Variants in CSF2RA observed in about 807,000 individuals in gnomAD.
CSF2RA encodes the protein colony stimulating factor 2 receptor subunit alpha.
Under a neutral mutation model 51.6 loss-of-function variants are expected in CSF2RA, and 42 were observed. That is an observed-to-expected ratio of 0.81 (90% confidence interval 0.64 to 1.05). The LOEUF (loss-of-function observed/expected upper bound fraction) is 1.05. CSF2RA is among the 50% of genes least tolerant of loss of function. The pLI is 0.00. For synonymous variants in CSF2RA, 222 were observed against 193.0 expected, an observed-to-expected ratio of 1.15 and a Z score of -1.24; for missense variants, 530 against 501.1, an observed-to-expected ratio of 1.06 and a Z score of -0.55.
downstream of CSF2RA, among the ~76,000 whole-genome samples, chrX:1,313,822 C>G (rs1475096811): frequency 6.6e-6 from 1 of 151,772 alleles, no homozygotes; most frequent in African/African-American, 2.4e-5. Context: ...AACTCCATCT[C>G]TGCTAAAGAT....
intron 1 of CSF2RA, among the ~76,000 whole-genome samples, chrX:1,270,034 G>A (rs1284668469): frequency 2.0e-5 from 3 of 151,788 alleles, no homozygotes; most frequent in African/African-American, 7.3e-5. Context: ...GCTTGAACCC[G>A]GGAGGCGGAG....
intron 1 of CSF2RA, among the ~76,000 whole-genome samples, chrX:1,273,797 A>G (rs1202078327): frequency 7.5e-6 from 1 of 133,728 alleles, no homozygotes; most frequent in African/African-American, 2.8e-5. Context: ...ATGGGGTTTC[A>G]CTGTGTTTGC....
chrX:1,287,546 A>T (rs185212573), intron 4 of CSF2RA, among the ~76,000 whole-genome samples: 6 of 137,254 alleles, frequency 4.4e-5, no homozygotes, highest in African/African-American at 1.7e-4. Context: ...TGGGTTCAAG[A>T]GATTCTCCTG....
At chrX:1,306,224 C>T (rs1377997323) in intron 12 of CSF2RA, among the ~76,000 whole-genome samples, 1 of 151,482 alleles carries the variant, frequency 6.6e-6, no homozygotes, top group African/African-American at 2.4e-5. Flanking sequence ...AACAGGCAGA[C>T]AGACTGACAG....
chrX:1,321,286 A>T, the CSF2RA span, among the ~76,000 whole-genome samples: 1 of 151,774 alleles, frequency 6.6e-6, no homozygotes, highest in Admixed American at 6.6e-5. Flanking sequence ...TGGCTAACAC[A>T]ATGAAACCCT....
At position 1,303,936 on chromosome X, in the gene CSF2RA, G is replaced by C. The variant is rs183684007; in HGVS notation, c.960G>C (p.Gly320=). Residue 320 remains glycine (G), a synonymous_variant, in exon 11 of 13, where the codon GGG becomes GGC. Coordinates refer to ENST00000381529, the MANE Select transcript of CSF2RA (RefSeq NM_172245.4). ...GTGTCTCTCCAGGTTCTGACGACGG[G>C]AACCTCGGCTCTGTGTACATTTATG... The part of the protein sequence containing the change: ...SEAIEFGSDD[G]NLGSVYIYVL... The C allele has an allele frequency of 1.4e-5, 23 of 1,613,564 alleles. No individual in the cohort carries two copies. In the African/African-American group the frequency reaches 3.1e-4, roughly 22 times the overall value.
At chrX:1,276,590 T>C (rs1201381762) in intron 2 of CSF2RA, among the ~76,000 whole-genome samples, 75 of 151,972 alleles carry the variant, frequency 4.9e-4, no homozygotes, top group African/African-American at 1.7e-3. Flanking sequence ...TCCAGGCTGG[T>C]CTTGAACTCC....
At chrX:1,310,901 G>A (rs185221909), downstream of CSF2RA, among the ~76,000 whole-genome samples, 64 of 152,092 alleles carry the variant, frequency 4.2e-4, no homozygotes, top group Non-Finnish European at 7.8e-4. Flanking sequence ...TGCCTTTCTT[G>A]TAGTAATGAG....
downstream of CSF2RA, chrX:1,310,426 T>G: frequency 6.6e-6 from 1 of 151,258 alleles, no homozygotes; most frequent in East Asian, 1.9e-4. Flanking sequence ...CCCAGCAGTT[T>G]GGGAGGCCGA....
At chrX:1,302,141 C>A (rs2083046537) in intron 10 of CSF2RA, among the ~76,000 whole-genome samples, 1 of 151,714 alleles carries the variant, frequency 6.6e-6, no homozygotes, top group African/African-American at 2.4e-5. Flanking sequence ...TTCTTGAACT[C>A]CTGACCTCAG....
intron 2 of CSF2RA, among the ~76,000 whole-genome samples, chrX:1,280,034 C>T (rs1272845995): frequency 2.0e-5 from 3 of 151,988 alleles, no homozygotes; most frequent in African/African-American, 7.2e-5. Context: ...AGGCGATCCG[C>T]CTGCCTTGGC....
At chrX:1,314,482 A>ACCCAACCCCACTGCACCTG (rs2084390097), downstream of CSF2RA, among the ~76,000 whole-genome samples, 2 of 70,320 alleles carry the variant, frequency 2.8e-5, no homozygotes, top group African/African-American at 1.6e-4. Context: ...CAATGCACCT[A>ACCCAACCCCACTGCACCTG]CCCAACCCCA....
chrX:1,302,143 T>G lies in CSF2RA; in HGVS notation c.946+1517T>G, dbSNP rs185131197. Reference sequence around the variant, plus strand: ...GTTGGTCAGGCTGTTCTTGAACTCCTGACCTCAGGTGATCTGCCCACCTCG... The same window carrying G: ...GTTGGTCAGGCTGTTCTTGAACTCCGGACCTCAGGTGATCTGCCCACCTCG... On this transcript the variant is annotated intron_variant, in intron 10 of 12. Transcript: ENST00000381529. Among the ~76,000 whole-genome samples the G allele has an allele frequency of 4.3e-3, 658 of 151,518 alleles. 24 individuals carry two copies. In the East Asian group the frequency reaches 0.1, roughly 24 times the overall value.
At chrX:1,282,642 C>T (rs1159358341) in intron 2 of CSF2RA, 36 bp from the exon 3 acceptor site, 1 of 1,463,502 alleles carries the variant, frequency 6.8e-7, no homozygotes, top group Non-Finnish European at 9.6e-7. Flanking sequence ...CTGGGAGAGG[C>T]AACCTTCTCA....
At chrX:1,268,915 A>AT (rs1451152431) in intron 1 of CSF2RA, 36 bp downstream of exon 1, 2 of 453,782 alleles carry the variant, frequency 4.4e-6, no homozygotes, top group African/African-American at 2.0e-5. Context: ...GTCTTTGAGC[A>AT]TGTCGAGTCA....
intron 10 of CSF2RA, among the ~76,000 whole-genome samples, chrX:1,301,372 T>C (rs1285687665): frequency 3.2e-5 from 4 of 124,188 alleles, no homozygotes; most frequent in Non-Finnish European, 5.0e-5. Flanking sequence ...TAGAAGGAGG[T>C]GGTCTCATAC....
chrX:1,315,479 C>G, the CSF2RA span, among the ~76,000 whole-genome samples: 168 of 152,232 alleles, frequency 1.1e-3, no homozygotes, highest in Admixed American at 3.1e-3. Context: ...TCTCAGCTCA[C>G]TACAACCTCC....
At chrX:1,315,842 AGATG>A in the CSF2RA span, among the ~76,000 whole-genome samples, 2 of 150,396 alleles carry the variant, frequency 1.3e-5, no homozygotes, top group Admixed American at 6.8e-5. Context: ...ATGGATAAAT[AGATG>A]GATAGATAGA....
intron 9 of CSF2RA, 168 bp from the exon 10 acceptor site, chrX:1,300,323 A>T: frequency 1.3e-6 from 1 of 786,714 alleles, no homozygotes; most frequent in East Asian, 2.6e-5. Flanking sequence ...GACTCTGCTT[A>T]GCTTCGAAGA....
Sources: allele counts gnomAD v4.1 joint callset (sites outside exome capture counted in the v4.1 genomes callset), GRCh38; gene constraint gnomAD v4.1.1; transcripts MANE v1.5; gene names NCBI Gene and HGNC (gene_info 2026-07-23, HGNC 2026-07-21).